CFTR: variants seen among roughly 807,000 people sequenced by gnomAD.
CFTR encodes cystic fibrosis transmembrane conductance regulator.
A neutral mutation model predicts 171.6 loss-of-function variants in CFTR; 181 were observed. The observed-to-expected ratio is 1.05, with a 90% confidence interval of 0.93 to 1.19. CFTR has a LOEUF of 1.19. Ranked by LOEUF, CFTR falls within the 50% of genes most tolerant of loss-of-function variation. The probability of loss-of-function intolerance (pLI) is 0.00; values close to 1 mark genes in which losing one functional copy is unlikely to be tolerated. For synonymous variants in CFTR, 583 were observed against 608.0 expected (o/e 0.96, Z 0.60); for missense variants, 1,968 against 1,734.7 (o/e 1.13, Z -2.39).
intron 21 of CFTR, among the ~76,000 whole-genome samples, chr7:117,618,480 A>T (rs1220785043): frequency 4.7e-5 from 7 of 148,166 alleles, no homozygotes. Context: ...ACTCCGTCTC[A>T]CACACACACA....
chr7:117,533,201 A>C (rs1353803059), intron 4 of CFTR, among the ~76,000 whole-genome samples: 1 of 152,114 alleles, frequency 6.6e-6, no homozygotes, highest in Non-Finnish European at 1.5e-5. Context: ...AGTTATGTGC[A>C]ATTTAGCTCA....
At chr7:117,536,709 TTC>T (rs1193253691) in intron 7 of CFTR, 36 bp downstream of exon 7, 1 of 1,564,088 alleles carries the variant, frequency 6.4e-7, no homozygotes, top group South Asian at 1.1e-5. Context: ...TTGTTAGTAA[TTC>T]TGTCCTTAAT....
intron 17 of CFTR, among the ~76,000 whole-genome samples, chr7:117,605,754 A>T (rs970923752): frequency 1.3e-5 from 2 of 152,162 alleles, no homozygotes; most frequent in Non-Finnish European, 2.9e-5. Flanking sequence ...TGTTTAAAGA[A>T]TAGACCAGTT....
At chr7:117,665,905 A>G (rs1793368697) in intron 26 of CFTR, among the ~76,000 whole-genome samples, 2 of 152,216 alleles carry the variant, frequency 1.3e-5, no homozygotes. Flanking sequence ...GATTCTTTCA[A>G]TAACTAAATG....
chr7:117,561,766 G>T (rs1012274113), intron 11 of CFTR, among the ~76,000 whole-genome samples: 11 of 152,182 alleles, frequency 7.2e-5, no homozygotes, highest in African/African-American at 2.6e-4. Context: ...ATAACAAATC[G>T]AATTAGTGAT....
intron 26 of CFTR, 146 bp downstream of exon 26, chr7:117,665,710 T>C (rs1027869542): frequency 1.5e-6 from 1 of 681,056 alleles, no homozygotes; most frequent in Admixed American, 2.2e-5. Context: ...TTACTCAAAA[T>C]AGCTGCACAA....
Position 117,667,145 on chromosome 7 carries a change from T to C in CFTR, c.*37T>C, listed in dbSNP as rs1793398143. 6.3e-7 allele frequency: 1 copy of C among 1,584,662 alleles called. No individual in the cohort carries two copies. The highest frequency in any genetic ancestry group is 1.1e-5 in the South Asian group (1 of 89,606). ...AATGTTGACATGGGACATTTGCTCA[T>C]GGAATTGGAGCTCGTGGGACAGTCA... is the stretch of plus-strand genomic sequence containing the variant. On this transcript the variant is annotated 3_prime_UTR_variant, in exon 27 of 27. Coordinates refer to ENST00000003084, the MANE Select transcript of CFTR (RefSeq NM_000492.4).
chr7:117,538,133 G>A (rs1172796268), intron 7 of CFTR, among the ~76,000 whole-genome samples: 1 of 152,094 alleles, frequency 6.6e-6, no homozygotes, highest in Admixed American at 6.5e-5. Context: ...ATTGTCACTC[G>A]AAAAGGCTAG....
In CFTR at chr7:117,641,122, TGAAAATCTCA is replaced by T. The variant is rs201223696; in HGVS notation, c.3718-1315_3718-1306del. ...TCAGTTGTCTGAGAACAAACATTTGTGAAAATCTCATTGTAGAGTTCTTACGATGGATAGG... is the reference window on the plus strand; with the variant it reads ...TCAGTTGTCTGAGAACAAACATTTGTTTGTAGAGTTCTTACGATGGATAGG... On this transcript the variant is annotated intron_variant, in intron 22 of 26. Coordinates refer to ENST00000003084, the MANE Select transcript of CFTR (RefSeq NM_000492.4). Among the ~76,000 whole-genome samples, 265 of 152,302 alleles carry T rather than the reference TGAAAATCTCA, an allele frequency of 1.7e-3. 3 individuals carry two copies. The East Asian group carries it at 0.047, about 27-fold the overall frequency.
chr7:117,631,306 G>T (rs950974648), intron 22 of CFTR, among the ~76,000 whole-genome samples: 4 of 152,046 alleles, frequency 2.6e-5, no homozygotes, highest in African/African-American at 9.7e-5. Flanking sequence ...TCCCCCCCTA[G>T]TTCCTGAAAT....
intron 21 of CFTR, among the ~76,000 whole-genome samples, chr7:117,623,807 A>T (rs781390253): frequency 2.6e-5 from 4 of 152,110 alleles, no homozygotes; most frequent in Non-Finnish European, 5.9e-5. Flanking sequence ...TAACCACTAG[A>T]TGGGGAGGGA....
intron 15 of CFTR, among the ~76,000 whole-genome samples, chr7:117,597,836 G>C (rs1346991851): frequency 6.6e-6 from 1 of 151,636 alleles, no homozygotes; most frequent in Non-Finnish European, 1.5e-5. Context: ...GGGGCGGGGG[G>C]GCAGAATGAA....
In CFTR at chr7:117,610,506, T is replaced by A. The variant is rs765037032; in HGVS notation, c.2989-13T>A. 1 of 1,611,750 alleles carries A rather than the reference T, an allele frequency of 6.2e-7. No homozygotes were observed. Among genetic ancestry groups the A allele is most frequent in the Non-Finnish European group, 8.5e-7 (1 of 1,178,098 alleles). On this transcript the variant is annotated splice_polypyrimidine_tract_variant and intron_variant, in intron 18 of 26. Coordinates refer to ENST00000003084, the MANE Select transcript of CFTR (RefSeq NM_000492.4). ...AATGTTTACTCACCAACATGTTTTCTTTGATCTTACAGTTGTTATTAATTG... is the reference window on the plus strand; with the variant it reads ...AATGTTTACTCACCAACATGTTTTCATTGATCTTACAGTTGTTATTAATTG...
intron 20 of CFTR, 133 bp from the exon 21 acceptor site, chr7:117,614,480 A>G: frequency 2.9e-6 from 2 of 701,632 alleles, no homozygotes; most frequent in Admixed American, 2.0e-5. Flanking sequence ...CTGAGATTTA[A>G]AAATTGTTAA....
Position 117,504,259 on chromosome 7 carries a change from C to T in CFTR, c.60C>T (p.Thr20=), listed in dbSNP as rs534609552. ...CCTCCTCTCTTTATTTTAGCTGGACCAGACCAATTTTGAGGAAAGGATACA... is the reference window on the plus strand; with the variant it reads ...CCTCCTCTCTTTATTTTAGCTGGACTAGACCAATTTTGAGGAAAGGATACA... ...SVVSKLFFSW[T]RPILRKGYRQ... is the part of the protein sequence containing the mutation. The change falls in exon 2 of 27, where the codon ACC becomes ACT. Residue 20 remains threonine, a synonymous_variant. Coordinates refer to ENST00000003084, the MANE Select transcript of CFTR (RefSeq NM_000492.4). The T allele has an allele frequency of 6.2e-7, 1 of 1,600,274 alleles. No homozygotes were observed. Among genetic ancestry groups the T allele is most frequent in the African/African-American group, 1.3e-5 (1 of 74,736 alleles).
chr7:117,550,231 A>G (rs1203560225), intron 10 of CFTR, among the ~76,000 whole-genome samples: 1 of 151,992 alleles, frequency 6.6e-6, no homozygotes, highest in Non-Finnish European at 1.5e-5. Flanking sequence ...AGTCCCAGCT[A>G]CTTGGGAGGC....
chr7:117,600,114 C>A (rs946343620), intron 15 of CFTR, among the ~76,000 whole-genome samples: 6 of 151,734 alleles, frequency 4.0e-5, no homozygotes, highest in Non-Finnish European at 8.8e-5. Flanking sequence ...TAAAAAATTT[C>A]TTCAAAGCTA....
chr7:117,504,806 T>A (rs899005399), intron 2 of CFTR, among the ~76,000 whole-genome samples: 27 of 150,572 alleles, frequency 1.8e-4, no homozygotes, highest in African/African-American at 6.1e-4. Flanking sequence ...AAATGTTGAC[T>A]GAAATCATTA....
chr7:117,514,193 T>TA lies in CFTR; in HGVS notation c.273+5060dup, dbSNP rs1014527372. ...TTAATTTTTTTTTTATTTTTTCTTC[T>TA]AAAAAAAAATCCAACAACGAGATAC... On this transcript the variant is annotated intron_variant, in intron 3 of 26. Transcript: ENST00000003084. 1.6e-4 allele frequency among the ~76,000 whole-genome samples: 24 copies of TA among 151,252 alleles called. No individual in the cohort carries two copies. In the South Asian group the frequency reaches 3.8e-3, roughly 24 times the overall value.
Sources: gnomAD v4.1 joint callset for allele counts (sites outside exome capture counted in the v4.1 genomes callset) on GRCh38, gnomAD v4.1.1 for gene constraint, MANE v1.5 for transcripts, NCBI Gene and HGNC (gene_info 2026-07-23, HGNC 2026-07-21) for gene names.